Variants in GLP2R observed in about 807,000 individuals in gnomAD.
GLP2R encodes the protein glucagon like peptide 2 receptor.
A neutral mutation model predicts 68.2 loss-of-function variants in GLP2R; 59 were observed. The ratio of observed to expected loss-of-function variants is 0.87; its 90% CI spans 0.70 to 1.07. GLP2R has a LOEUF of 1.07. GLP2R is among the 50% of genes least tolerant of loss of function. The pLI, the probability that GLP2R is intolerant of heterozygous loss-of-function variation, is 0.00. For synonymous variants in GLP2R, 270 were observed against 265.4 expected (o/e 1.02, Z -0.17); for missense variants, 548 against 677.4 (o/e 0.81, Z 2.12).
At position 9,873,556 on chromosome 17, in the gene GLP2R, C is replaced by CTTTTTTTTTTTTTTTTTTTTTTTTT. The variant is rs3073988; in HGVS notation, c.1145+2744_1145+2745insTTTTTTTTTTTTTTTTTTTTTTTTT. ...GGATATCACAAAAACTATGCATGGA[C>CTTTTTTTTTTTTTTTTTTTTTTTTT]TTTTTTTTTTTTTTTTTTTTTTTAG... is the stretch of plus-strand genomic sequence containing the variant. On this transcript the variant is annotated intron_variant, in intron 10 of 12. Coordinates refer to ENST00000262441, the MANE Select transcript of GLP2R (RefSeq NM_004246.3). Among the ~76,000 whole-genome samples, 25 of 52,060 alleles carry CTTTTTTTTTTTTTTTTTTTTTTTTT rather than the reference C, an allele frequency of 4.8e-4. 5 individuals carry two copies. The highest frequency in any genetic ancestry group is 6.5e-4 in the Non-Finnish European group (19 of 29,448). 34.2% of individuals were successfully genotyped at this position (52,060 alleles called of 152,430 possible).
intron 3 of GLP2R, among the ~76,000 whole-genome samples, chr17:9,839,407 C>G (rs919531809): frequency 6.6e-6 from 1 of 152,050 alleles, no homozygotes; most frequent in African/African-American, 2.4e-5. Context: ...TCCTTCTCCT[C>G]CTCCTCCTTC....
intron 1 of GLP2R, among the ~76,000 whole-genome samples, chr17:9,829,447 A>G (rs1009009906): frequency 5.3e-5 from 8 of 152,130 alleles, no homozygotes; most frequent in African/African-American, 1.9e-4. Flanking sequence ...GTGCTCTCAA[A>G]TGTTCAACTA....
intron 1 of GLP2R, 124 bp downstream of exon 1, chr17:9,826,376 C>T (rs1458604707): frequency 1.3e-5 from 8 of 638,454 alleles, no homozygotes; most frequent in South Asian, 4.9e-5. Flanking sequence ...AATAATGAGC[C>T]GCCATAATCC....
At chr17:9,876,120 G>A (rs534399338) in intron 10 of GLP2R, among the ~76,000 whole-genome samples, 16 of 152,194 alleles carry the variant, frequency 1.1e-4, no homozygotes, top group East Asian at 3.9e-4. Flanking sequence ...CGGGTGATTC[G>A]CCCACCTCGG....
At chr17:9,856,451 A>G (rs2066934429) in intron 5 of GLP2R, among the ~76,000 whole-genome samples, 2 of 152,214 alleles carry the variant, frequency 1.3e-5, no homozygotes, top group Non-Finnish European at 2.9e-5. Flanking sequence ...CTTTAAAGCA[A>G]TATAGGACAG....
intron 11 of GLP2R, among the ~76,000 whole-genome samples, chr17:9,884,985 C>A (rs562749352): frequency 6.6e-6 from 1 of 151,858 alleles, no homozygotes; most frequent in African/African-American, 2.4e-5. Context: ...TCTCACTCAC[C>A]CAAGGCCCGG....
intron 4 of GLP2R, among the ~76,000 whole-genome samples, chr17:9,848,138 G>C (rs2066858425): frequency 6.6e-6 from 1 of 152,212 alleles, no homozygotes; most frequent in Non-Finnish European, 1.5e-5. Flanking sequence ...CTCTTAAAGG[G>C]ATCAGAAGGA....
intron 4 of GLP2R, among the ~76,000 whole-genome samples, chr17:9,846,090 T>C (rs1808750502): frequency 6.6e-6 from 1 of 152,208 alleles, no homozygotes; most frequent in African/African-American, 2.4e-5. Flanking sequence ...GAGTCTTAAA[T>C]TTTCCTAAAT....
At chr17:9,833,654 A>C (rs761231973) in intron 1 of GLP2R, among the ~76,000 whole-genome samples, 153 bp from the exon 2 acceptor site, 1 of 152,208 alleles carries the variant, frequency 6.6e-6, no homozygotes, top group Non-Finnish European at 1.5e-5. Context: ...TGTACTCTTA[A>C]GATAGAACAT....
intron 11 of GLP2R, 35 bp from the exon 12 acceptor site, chr17:9,887,897 G>A: frequency 3.8e-6 from 6 of 1,564,666 alleles, no homozygotes; most frequent in South Asian, 1.1e-5. Context: ...CTTCTCCGGA[G>A]TCAGATTTTA....
At chr17:9,873,651 GC>G (rs1281023662) in intron 10 of GLP2R, among the ~76,000 whole-genome samples, 3 of 144,832 alleles carry the variant, frequency 2.1e-5, no homozygotes, top group Admixed American at 1.4e-4. Flanking sequence ...TTCCAACGGG[GC>G]TCAGGGAAGC....
chr17:9,857,024 C>A (rs1475988646), intron 5 of GLP2R, among the ~76,000 whole-genome samples: 1 of 152,068 alleles, frequency 6.6e-6, no homozygotes, highest in Non-Finnish European at 1.5e-5. Context: ...CTGGTTCAAG[C>A]AATTCTTCTG....
intron 1 of GLP2R, among the ~76,000 whole-genome samples, chr17:9,830,516 C>G (rs1285873264): frequency 6.6e-6 from 1 of 152,162 alleles, no homozygotes; most frequent in African/African-American, 2.4e-5. Context: ...AATAGAGATT[C>G]CAAACTCATA....
At chr17:9,852,943 T>G (rs1006913896) in intron 4 of GLP2R, 2 of 495,308 alleles carry the variant, frequency 4.0e-6, no homozygotes, top group African/African-American at 3.9e-5. Context: ...CTCTTCATCT[T>G]CTGACTCTGC....
chr17:9,849,216 T>C (rs1343246502), intron 4 of GLP2R, among the ~76,000 whole-genome samples: 5 of 152,112 alleles, frequency 3.3e-5, no homozygotes, highest in African/African-American at 1.2e-4. Flanking sequence ...GACACTCATA[T>C]ACCCAGTATT....
chr17:9,877,412 A>C (rs945369857), intron 10 of GLP2R, among the ~76,000 whole-genome samples: 14 of 152,214 alleles, frequency 9.2e-5, no homozygotes, highest in African/African-American at 3.4e-4. Flanking sequence ...GAGTAGCCCA[A>C]AACTTTATTA....
rs1247700441 is a variant in GLP2R at position 9,826,093 on chromosome 17, T to G, written c.30T>G (p.Pro10=). MKLGSSRAG[P]GRGSAGLLPG... is the part of the protein sequence containing the mutation. Reference sequence around the variant, plus strand: ...AGCTGGGATCGAGCAGGGCAGGGCCTGGGAGAGGAAGCGCGGGACTCCTGC... The same window carrying G: ...AGCTGGGATCGAGCAGGGCAGGGCCGGGGAGAGGAAGCGCGGGACTCCTGC... The change falls in exon 1 of 13, where the codon CCT becomes CCG. Residue 10 remains proline, a synonymous_variant. Transcript: ENST00000262441. 3 of 1,612,854 alleles carry G rather than the reference T, an allele frequency of 1.9e-6. No individual in the cohort carries two copies. In the African/African-American group the frequency reaches 4.0e-5, roughly 22 times the overall value.
At chr17:9,836,629 GTA>G (rs1400280394) in intron 3 of GLP2R, among the ~76,000 whole-genome samples, 154 bp downstream of exon 3, 1 of 151,852 alleles carries the variant, frequency 6.6e-6, no homozygotes, top group Non-Finnish European at 1.5e-5. Flanking sequence ...ATGTATGTAT[GTA>G]TATATTTATT....
At position 9,889,579 on chromosome 17, in the gene GLP2R, G is replaced by C; in HGVS notation, c.1536G>C (p.Glu512Asp). ...LLHLAMRGLG[E>D]LGAQPQQDHA... ...ATCTAGCCATGCGAGGTCTTGGGGA[G>C]CTGGGCGCCCAGCCCCAACAGGACC... The change falls in exon 13 of 13, where the codon GAG (glutamate) becomes GAC (aspartate). Residue 512 changes from glutamate to aspartate, a missense_variant. By Grantham distance (45) the Glu-to-Asp change is conservative. Coordinates refer to ENST00000262441, the MANE Select transcript of GLP2R (RefSeq NM_004246.3). 6 of 1,614,214 alleles carry C rather than the reference G, an allele frequency of 3.7e-6. No individual in the cohort carries two copies. Among genetic ancestry groups the C allele is most frequent in the Non-Finnish European group, 5.1e-6 (6 of 1,180,016 alleles).
Sources: gnomAD v4.1 joint callset for allele counts (sites outside exome capture counted in the v4.1 genomes callset) on GRCh38, gnomAD v4.1.1 for gene constraint, MANE v1.5 for transcripts, NCBI Gene and HGNC (gene_info 2026-07-23, HGNC 2026-07-21) for gene names.